Variants in MYOF observed in about 807,000 individuals in gnomAD.
The protein encoded by MYOF is fer-1-like 3, myoferlin.
A neutral mutation model predicts 284.2 loss-of-function variants in MYOF; 244 were observed. The ratio of observed to expected loss-of-function variants is 0.86; its 90% confidence interval spans 0.77 to 0.95. The LOEUF is 0.95. MYOF is among the 40% of genes least tolerant of loss of function. MYOF has a pLI of 0.00. For missense variants in MYOF, 2,496 were observed against 2,560.6 expected (o/e 0.97, Z 0.54); for synonymous variants, 904 against 919.7 (o/e 0.98, Z 0.31).
chr10:93,345,475 C>T (rs916092667), intron 37 of MYOF, among the ~76,000 whole-genome samples: 1 of 152,120 alleles, frequency 6.6e-6, no homozygotes, highest in African/African-American at 2.4e-5. Context: ...CTGACATTTC[C>T]TGAGCATCTG....
intron 13 of MYOF, 53 bp downstream of exon 13, chr10:93,399,339 G>A: frequency 1.5e-6 from 2 of 1,355,720 alleles, no homozygotes; most frequent in Admixed American, 1.8e-5. Flanking sequence ...GGAAAGCACA[G>A]TAGTTTTAGA....
intron 45 of MYOF, among the ~76,000 whole-genome samples, chr10:93,328,199 C>T (rs946264017): frequency 3.3e-5 from 5 of 152,184 alleles, no homozygotes; most frequent in African/African-American, 9.7e-5. Context: ...GGGTAACCCT[C>T]CCCCGTGCAA....
intron 11 of MYOF, among the ~76,000 whole-genome samples, 158 bp downstream of exon 11, chr10:93,402,074 C>A (rs1847322141): frequency 6.6e-6 from 1 of 152,144 alleles, no homozygotes; most frequent in Non-Finnish European, 1.5e-5. Flanking sequence ...AACAATAATT[C>A]CATGATGAAG....
intron 2 of MYOF, among the ~76,000 whole-genome samples, chr10:93,453,952 G>A (rs1169542552): frequency 1.3e-5 from 2 of 152,118 alleles, no homozygotes; most frequent in Non-Finnish European, 2.9e-5. Context: ...GGAGGCCAAG[G>A]CAGATGGATC....
intron 28 of MYOF, among the ~76,000 whole-genome samples, chr10:93,360,941 C>A (rs1185180164): frequency 6.6e-6 from 1 of 152,122 alleles, no homozygotes; most frequent in Non-Finnish European, 1.5e-5. Context: ...CTCTTAACAC[C>A]CCCTGCTCAC....
At chr10:93,398,374 G>A (rs1292203960) in intron 13 of MYOF, among the ~76,000 whole-genome samples, 1 of 152,100 alleles carries the variant, frequency 6.6e-6, no homozygotes, top group Non-Finnish European at 1.5e-5. Context: ...TCCCTGCTTT[G>A]TTTTCTTTGT....
At chr10:93,389,622 T>A (rs1846575950) in intron 17 of MYOF, among the ~76,000 whole-genome samples, 1 of 152,220 alleles carries the variant, frequency 6.6e-6, no homozygotes, top group African/African-American at 2.4e-5. Context: ...ATATAAGACA[T>A]TTTTAAATTT....
At chr10:93,348,141 C>G (rs1337364538) in intron 36 of MYOF, among the ~76,000 whole-genome samples, 1 of 152,178 alleles carries the variant, frequency 6.6e-6, no homozygotes, top group African/African-American at 2.4e-5. Flanking sequence ...ATGCTCTTTA[C>G]TCTCAGTCAC....
At chr10:93,319,745 C>T (rs571085316) in intron 49 of MYOF, 127 bp downstream of exon 49, 7 of 1,285,504 alleles carry the variant, frequency 5.4e-6, no homozygotes, top group Non-Finnish European at 7.6e-6. Flanking sequence ...GCAGATTCCC[C>T]ATCTCTGCTG....
chr10:93,426,975 C>T (rs1408702487), intron 4 of MYOF, among the ~76,000 whole-genome samples: 25 of 145,772 alleles, frequency 1.7e-4, no homozygotes, highest in African/African-American at 5.7e-4. Flanking sequence ...CAGCCTCTGC[C>T]GCCTGGGTTC....
chr10:93,360,094 G>T (rs1844998127), intron 28 of MYOF, 116 bp from the exon 29 acceptor site: 16 of 1,233,942 alleles, frequency 1.3e-5, no homozygotes, highest in Non-Finnish European at 1.4e-5. Context: ...GTACTATCAT[G>T]ACCGAATATG....
chr10:93,349,677 G>A, intron 36 of MYOF, 131 bp downstream of exon 36: 1 of 1,076,770 alleles, frequency 9.3e-7, no homozygotes, highest in East Asian at 2.6e-5. Flanking sequence ...TCACTGACAA[G>A]CTGAATATAA....
Position 93,463,283 on chromosome 10 carries a change from C to T in MYOF, c.89-6346G>A, listed in dbSNP as rs117458544. Among the ~76,000 whole-genome samples, 134 of 151,962 alleles carry T rather than the reference C, an allele frequency of 8.8e-4. 2 individuals carry two copies. The East Asian group carries it at 0.025, about 28-fold the overall frequency. ...CTTATTGAAAAGGCCTGGCCCAGTG[C>T]GGTGCTTATACCTGTAATCCCAACA... On this transcript the variant is annotated intron_variant, in intron 1 of 53. Coordinates refer to ENST00000359263, the MANE Select transcript of MYOF (RefSeq NM_013451.4).
chr10:93,428,196 ATTTT>A (rs34975275), intron 4 of MYOF, among the ~76,000 whole-genome samples: 34 of 127,468 alleles, frequency 2.7e-4, no homozygotes, highest in Admixed American at 5.6e-4. Flanking sequence ...TTTTATGTGA[ATTTT>A]TTTTTTTTTT....
chr10:93,345,076 A>G (rs1032450403), intron 37 of MYOF, among the ~76,000 whole-genome samples: 62 of 152,200 alleles, frequency 4.1e-4, no homozygotes, highest in African/African-American at 1.4e-3. Flanking sequence ...CATTTAACAG[A>G]AGGCCAGAAC....
chr10:93,377,077 C>T (rs935078766), intron 22 of MYOF, among the ~76,000 whole-genome samples: 4 of 151,220 alleles, frequency 2.6e-5, no homozygotes, highest in Non-Finnish European at 4.4e-5. Context: ...CTGCCTGGGA[C>T]GTGCTTCTGG....
chr10:93,328,737 T>C (rs1478934358), intron 45 of MYOF, 26 bp downstream of exon 45: 2 of 1,599,652 alleles, frequency 1.3e-6, no homozygotes, highest in South Asian at 1.1e-5. Flanking sequence ...TTTGTACCAG[T>C]TTACAATCCA....
At position 93,402,894 on chromosome 10, in the gene MYOF, G is replaced by T; in HGVS notation, c.844-4C>A. ...CATAAACAAATCCAACATCAATCTG[G>T]GAAAACAATAATCGAAAGTAGTCTA... On this transcript the variant is annotated splice_polypyrimidine_tract_variant and splice_region_variant and intron_variant, in intron 9 of 53. Transcript: ENST00000359263. The T allele has an allele frequency of 6.2e-7, 1 of 1,610,504 alleles. No individual in the cohort carries two copies. Among genetic ancestry groups the T allele is most frequent in the Non-Finnish European group, 8.5e-7 (1 of 1,177,232 alleles).
intron 20 of MYOF, 72 bp downstream of exon 20, chr10:93,381,147 A>G: frequency 1.3e-6 from 2 of 1,493,228 alleles, no homozygotes; most frequent in Non-Finnish European, 1.9e-6. Context: ...GAGGGAAGAC[A>G]CAGTGCTTGC....
Sources: gnomAD v4.1 joint callset for allele counts (sites outside exome capture counted in the v4.1 genomes callset) on GRCh38, gnomAD v4.1.1 for gene constraint, MANE v1.5 for transcripts, NCBI Gene and HGNC (gene_info 2026-07-23, HGNC 2026-07-21) for gene names.